EXTL3: variants seen among roughly 807,000 people sequenced by gnomAD.
EXTL3 encodes the protein exostosin-like 3.
A neutral mutation model predicts 69.3 loss-of-function variants in EXTL3; 27 were observed. The ratio of observed to expected loss-of-function variants is 0.39; its 90% CI spans 0.29 to 0.54. The LOEUF (loss-of-function observed/expected upper bound fraction) is 0.54. EXTL3 is among the 20% of genes least tolerant of loss of function. The pLI, the probability that EXTL3 is intolerant of heterozygous loss-of-function variation, is 0.69. For synonymous variants in EXTL3, 511 were observed against 499.4 expected (o/e 1.02, Z -0.31); for missense variants, 1,003 against 1,231.8 (o/e 0.81, Z 2.78).
intron 2 of EXTL3, among the ~76,000 whole-genome samples, chr8:28,608,746 C>G (rs1806235851): frequency 6.6e-6 from 1 of 151,922 alleles, no homozygotes; most frequent in Admixed American, 6.6e-5. Context: ...CATCTGTGGT[C>G]CCAGCTACTT....
intron 3 of EXTL3, among the ~76,000 whole-genome samples, chr8:28,727,394 A>C (rs1801436899): frequency 6.6e-6 from 1 of 152,190 alleles, no homozygotes; most frequent in African/African-American, 2.4e-5. Context: ...AACTAGTGTG[A>C]AATCTAGGCC....
At chr8:28,635,063 A>C (rs777079654) in intron 1 of EXTL3, among the ~76,000 whole-genome samples, 1 of 152,050 alleles carries the variant, frequency 6.6e-6, no homozygotes, top group Non-Finnish European at 1.5e-5. Context: ...GCTGTAAATG[A>C]GGATGAGTCC....
intron 1 of EXTL3, among the ~76,000 whole-genome samples, chr8:28,643,252 A>G (rs1806772587): frequency 6.6e-6 from 1 of 152,012 alleles, no homozygotes; most frequent in Non-Finnish European, 1.5e-5. Flanking sequence ...TCAAAAAACA[A>G]AAAAAAGAAC....
At chr8:28,613,020 A>G (rs1806291113) in intron 2 of EXTL3, among the ~76,000 whole-genome samples, 2 of 152,096 alleles carry the variant, frequency 1.3e-5, no homozygotes, top group Non-Finnish European at 2.9e-5. Context: ...CACCCAGTCT[A>G]TAATTCTTTT....
rs541674623 is a variant in EXTL3, at chr8:28,752,990, T to C, written c.*2124T>C. The C allele has an allele frequency of 6.5e-6, 1 of 152,752 alleles. No homozygotes were observed. Among genetic ancestry groups the C allele is most frequent in the Admixed American group, 6.5e-5 (1 of 15,300 alleles). 9.5% of individuals were successfully genotyped at this position (152,752 alleles called of 1,614,324 possible). ...GTGGAGCCAGGGCCTCTCCCTTTAG[T>C]GGAGCCAGGTTGTCGGGCCCCGAAT... is the stretch of plus-strand genomic sequence containing the variant. On this transcript the variant is annotated 3_prime_UTR_variant, in exon 7 of 7. Coordinates refer to ENST00000220562, the MANE Select transcript of EXTL3 (RefSeq NM_001440.4).
intron 1 of EXTL3, among the ~76,000 whole-genome samples, chr8:28,625,795 A>G (rs1341310498): frequency 6.6e-6 from 1 of 152,052 alleles, no homozygotes; most frequent in Non-Finnish European, 1.5e-5. Flanking sequence ...AATTAGTATT[A>G]AAGGATGACT....
chr8:28,638,182 G>A (rs1479896190), intron 1 of EXTL3, among the ~76,000 whole-genome samples: 1 of 152,094 alleles, frequency 6.6e-6, no homozygotes, highest in African/African-American at 2.4e-5. Flanking sequence ...GAATTCTTTT[G>A]GTTCCAAGTG....
chr8:28,612,117 C>A (rs993929931), intron 2 of EXTL3, among the ~76,000 whole-genome samples: 1 of 152,268 alleles, frequency 6.6e-6, no homozygotes, highest in East Asian at 1.9e-4. Context: ...AATCTCCTAT[C>A]GTAACTTTTT....
chr8:28,631,139 AG>A (rs1316027069), intron 1 of EXTL3, among the ~76,000 whole-genome samples: 1 of 129,218 alleles, frequency 7.7e-6, no homozygotes, highest in Non-Finnish European at 1.7e-5. Context: ...AACTTTAGAG[AG>A]GACTTTTTTT....
intron 1 of EXTL3, among the ~76,000 whole-genome samples, chr8:28,709,831 G>A (rs771336349): frequency 6.6e-6 from 1 of 152,182 alleles, no homozygotes; most frequent in East Asian, 1.9e-4. Context: ...GGTACGTGGA[G>A]GTGGAGGGGC....
intron 1 of EXTL3, among the ~76,000 whole-genome samples, chr8:28,686,669 A>T (rs1390400378): frequency 2.0e-5 from 3 of 152,104 alleles, no homozygotes; most frequent in African/African-American, 7.2e-5. Context: ...ATAGTACCAG[A>T]TTTATTTATT....
Position 28,717,461 on chromosome 8 carries a change from G to A in EXTL3, c.1402G>A (p.Val468Ile), listed in dbSNP as rs768542725. 3 of 1,614,078 alleles carry A rather than the reference G, an allele frequency of 1.9e-6. No homozygotes were observed. The highest frequency in any genetic ancestry group is 1.7e-5 in the Admixed American group (1 of 60,012). ...CGTCCCGGTGGTGCTGGGGGAGCAG[G>A]TCCAGCTTCCCTACCAGGACATGCT... ...GAVPVVLGEQ[V>I]QLPYQDMLQW... is the part of the protein sequence containing the mutation. Residue 468 changes from valine to isoleucine, a missense_variant, in exon 3 of 7, where the codon GTC becomes ATC. Physicochemically the swap from Val to Ile is conservative, Grantham distance 29 (BLOSUM62 3). Transcript: ENST00000220562. This position sits in a 1 kb window ranked among gnomAD's most constrained non-coding sequence, Gnocchi z 8.3.
chr8:28,648,632 C>G (rs745601983), intron 1 of EXTL3, among the ~76,000 whole-genome samples: 16 of 150,466 alleles, frequency 1.1e-4, no homozygotes, highest in Non-Finnish European at 1.8e-4. Context: ...CTCCCTCCCT[C>G]CCTCCCTTCC....
At chr8:28,622,584 G>C (rs1272740148), upstream of EXTL3, 1 of 150,746 alleles carries the variant, frequency 6.6e-6, no homozygotes, top group Non-Finnish European at 1.5e-5. Flanking sequence ...GGGCGGGGCC[G>C]GGAGCCGCCG....
chr8:28,691,601 T>C (rs1800614981), intron 1 of EXTL3, among the ~76,000 whole-genome samples: 1 of 151,204 alleles, frequency 6.6e-6, no homozygotes, highest in Admixed American at 6.6e-5. Flanking sequence ...GTGTTCCTAC[T>C]AATATGTAGA....
intron 2 of EXTL3, among the ~76,000 whole-genome samples, chr8:28,614,207 C>G (rs1256907753): frequency 6.7e-6 from 1 of 150,098 alleles, no homozygotes; most frequent in African/African-American, 2.5e-5. Context: ...TTTCTGTTTT[C>G]AGTTTCTTTG....
chr8:28,716,686 C>T lies in EXTL3; in HGVS notation c.627C>T (p.Tyr209=). The T allele has an allele frequency of 1.2e-6, 2 of 1,614,220 alleles. No homozygotes were observed. Among genetic ancestry groups the T allele is most frequent in the South Asian group, 1.1e-5 (1 of 91,090 alleles). ...YDSDQFVFGS[Y]LDPLVKQAFQ... ...GTGACCAGTTTGTCTTTGGCAGCTA[C>T]CTGGATCCCTTGGTCAAGCAGGCTT... The change falls in exon 3 of 7, where the codon TAC becomes TAT. Residue 209 remains tyrosine (Y), a synonymous_variant. Transcript: ENST00000220562. This position sits in a 1 kb window ranked among gnomAD's most constrained non-coding sequence, Gnocchi z 7.1.
chr8:28,681,633 T>C (rs752320944), intron 1 of EXTL3, among the ~76,000 whole-genome samples: 1 of 152,262 alleles, frequency 6.6e-6, no homozygotes, highest in Non-Finnish European at 1.5e-5. Context: ...TTTAACATGC[T>C]GATTTCATTT....
At chr8:28,690,692 T>A (rs1467419405) in intron 1 of EXTL3, among the ~76,000 whole-genome samples, 2 of 152,200 alleles carry the variant, frequency 1.3e-5, no homozygotes, top group East Asian at 3.8e-4. Flanking sequence ...GAAGCCTCAG[T>A]CCCTCACCTG....
Sources: gnomAD v4.1 joint callset for allele counts (sites outside exome capture counted in the v4.1 genomes callset) on GRCh38, gnomAD v4.1.1 for gene constraint, Gnocchi (gnomAD v3.1) non-coding constraint, MANE v1.5 for transcripts, NCBI Gene and HGNC (gene_info 2026-07-23, HGNC 2026-07-21) for gene names.